Variants in PRLR observed in about 807,000 individuals in gnomAD.
PRLR encodes hPRL receptor.
In PRLR, 13 loss-of-function variants were observed where a neutral mutation model predicts 40.2. The observed-to-expected ratio is 0.32, with a 90% CI of 0.21 to 0.51. The LOEUF is 0.51. Ranked by LOEUF, PRLR falls within the 20% of genes least tolerant of loss-of-function variation. The pLI, the probability that PRLR is intolerant of heterozygous loss-of-function variation, is 0.97. For synonymous variants in PRLR, 269 were observed against 278.7 expected (o/e 0.97, Z 0.35); for missense variants, 656 against 747.3 (o/e 0.88, Z 1.42).
At chr5:35,171,418 C>T (rs2111944306) in intron 1 of PRLR, among the ~76,000 whole-genome samples, 1 of 152,218 alleles carries the variant, frequency 6.6e-6, no homozygotes, top group South Asian at 2.1e-4. Context: ...ACAGAGTGGC[C>T]TGTGTTTTTT....
chr5:35,199,561 C>A (rs1775824250), intron 1 of PRLR, among the ~76,000 whole-genome samples: 1 of 133,750 alleles, frequency 7.5e-6, no homozygotes, highest in African/African-American at 2.8e-5. Flanking sequence ...AAAAACACGT[C>A]ATTCTTCAAA....
At chr5:35,186,049 C>T (rs145290890) in intron 1 of PRLR, among the ~76,000 whole-genome samples, 51 of 152,208 alleles carry the variant, frequency 3.4e-4, no homozygotes, top group African/African-American at 1.1e-3. Flanking sequence ...TTTAAGTGCA[C>T]ACTGGGCACG....
At chr5:35,180,694 T>C (rs1037777218) in intron 1 of PRLR, among the ~76,000 whole-genome samples, 4 of 152,154 alleles carry the variant, frequency 2.6e-5, no homozygotes, top group Non-Finnish European at 4.4e-5. Flanking sequence ...CATTAACTTG[T>C]CATTTACATT....
chr5:35,093,432 G>A (rs2112486648), intron 2 of PRLR, among the ~76,000 whole-genome samples: 1 of 152,244 alleles, frequency 6.6e-6, no homozygotes. Context: ...ACCATTCTGT[G>A]GAACTTGCTC....
chr5:35,221,324 T>G (rs1776412936), intron 1 of PRLR, among the ~76,000 whole-genome samples: 1 of 152,250 alleles, frequency 6.6e-6, no homozygotes, highest in African/African-American at 2.4e-5. Flanking sequence ...CCTTTATCTT[T>G]CAGTCTCATA....
chr5:35,120,038 C>G (rs547504131), intron 1 of PRLR, among the ~76,000 whole-genome samples: 2 of 152,154 alleles, frequency 1.3e-5, no homozygotes, highest in South Asian at 4.1e-4. Context: ...TCTGCCCTGG[C>G]TCCCACGTCT....
At chr5:35,084,029 C>G (rs930749168) in intron 5 of PRLR, among the ~76,000 whole-genome samples, 2 of 151,884 alleles carry the variant, frequency 1.3e-5, no homozygotes, top group African/African-American at 4.8e-5. Flanking sequence ...GAGTTTGGGG[C>G]AAAGCAATGG....
At chr5:35,088,009 C>T (rs1561285341) in intron 3 of PRLR, among the ~76,000 whole-genome samples, 7 of 152,180 alleles carry the variant, frequency 4.6e-5, no homozygotes. Flanking sequence ...GCTCCAAGGC[C>T]AGAGTTTCTA....
At chr5:35,180,966 CT>C (rs1775281474) in intron 1 of PRLR, among the ~76,000 whole-genome samples, 1 of 152,150 alleles carries the variant, frequency 6.6e-6, no homozygotes, top group Non-Finnish European at 1.5e-5. Context: ...TATGGATCTC[CT>C]ACCTTCTCAA....
chr5:35,101,076 C>T (rs10447140), intron 2 of PRLR, among the ~76,000 whole-genome samples: 8,495 of 152,172 alleles, frequency 0.056, 562 homozygotes, highest in East Asian at 0.18. Flanking sequence ...GTGATTAAGA[C>T]GGAAGCCTCC....
chr5:35,075,117 A>G (rs1016992899), intron 5 of PRLR, among the ~76,000 whole-genome samples: 1 of 152,228 alleles, frequency 6.6e-6, no homozygotes, highest in Non-Finnish European at 1.5e-5. Flanking sequence ...TACAGCTCCC[A>G]GCGTGAGCAA....
intron 1 of PRLR, among the ~76,000 whole-genome samples, chr5:35,196,834 T>G (rs755664896): frequency 7.9e-5 from 12 of 152,212 alleles, no homozygotes; most frequent in Admixed American, 2.0e-4. Flanking sequence ...TTCTCACAGT[T>G]CTGGAGGCTG....
intron 1 of PRLR, among the ~76,000 whole-genome samples, chr5:35,184,715 T>C (rs1775380141): frequency 6.6e-6 from 1 of 152,176 alleles, no homozygotes; most frequent in African/African-American, 2.4e-5. Context: ...TGATTCTACT[T>C]GGCCAAAGCA....
At chr5:35,138,240 G>A (rs866439324) in intron 1 of PRLR, among the ~76,000 whole-genome samples, 1 of 152,168 alleles carries the variant, frequency 6.6e-6, no homozygotes, top group African/African-American at 2.4e-5. Flanking sequence ...TACTTTGGAA[G>A]TTTCAGTTTT....
downstream of PRLR, among the ~76,000 whole-genome samples, chr5:35,054,941 G>A (rs1248723237): frequency 1.3e-5 from 2 of 152,128 alleles, no homozygotes; most frequent in African/African-American, 4.8e-5. Context: ...TGGTTGTTGA[G>A]GGATGTAAAT....
In PRLR at chr5:35,064,947, G is replaced by A; in HGVS notation, c.*142C>T. The A allele has an allele frequency of 1.2e-6, 1 of 850,032 alleles. No homozygotes were observed. The highest frequency in any genetic ancestry group is 1.8e-6 in the Non-Finnish European group (1 of 559,016). 52.7% of individuals were successfully genotyped at this position (850,032 alleles called of 1,614,324 possible). A position where few individuals can be genotyped will look rare whatever the true frequency, so the allele number is the denominator to read the frequency against. The stretch of plus-strand genomic sequence containing the variant: ...CTGGAATCAGCTGCTGGAGAAAGAG[G>A]CAAGTGGTTAAAAATGGAGCATGAA... On this transcript the variant is annotated 3_prime_UTR_variant, in exon 10 of 10. Transcript: ENST00000618457.
intron 1 of PRLR, among the ~76,000 whole-genome samples, chr5:35,136,132 G>C (rs1773852051): frequency 6.6e-6 from 1 of 152,190 alleles, no homozygotes; most frequent in Non-Finnish European, 1.5e-5. Context: ...CAACCTTTGA[G>C]AATTTGATGA....
rs1769212058 is a variant in PRLR, at chr5:35,064,260, TG to T, written c.*828del. 6.6e-6 allele frequency: 1 copy of T among 152,240 alleles called. No homozygotes were observed. The highest frequency in any genetic ancestry group is 1.5e-5 in the Non-Finnish European group (1 of 68,036). 9.4% of individuals were successfully genotyped at this position (152,240 alleles called of 1,614,324 possible). A position where few individuals can be genotyped will look rare whatever the true frequency, so the allele number is the denominator to read the frequency against. ...TAAGGCAGTAATTCCATTAGCATCC[TG>T]CTGTGGTTTTCTTTTCAAGTTAGTC... On this transcript the variant is annotated 3_prime_UTR_variant, in exon 10 of 10. Transcript: ENST00000618457.
At chr5:35,073,288 T>C (rs1056115483) in intron 5 of PRLR, among the ~76,000 whole-genome samples, 1 of 152,210 alleles carries the variant, frequency 6.6e-6, no homozygotes, top group Non-Finnish European at 1.5e-5. Flanking sequence ...CTGTGGTAAA[T>C]GAGATCCACT....
Sources: gnomAD v4.1 joint callset for allele counts (sites outside exome capture counted in the v4.1 genomes callset) on GRCh38, gnomAD v4.1.1 for gene constraint, MANE v1.5 for transcripts, NCBI Gene and HGNC (gene_info 2026-07-23, HGNC 2026-07-21) for gene names.